NCKAP5: variants seen among roughly 807,000 people sequenced by gnomAD.
The protein encoded by NCKAP5 is NCK associated protein 5.
Under a neutral mutation model 167.0 loss-of-function variants are expected in NCKAP5, and 92 were observed. That is an observed-to-expected ratio of 0.55 (90% CI 0.47 to 0.66). The LOEUF is 0.66. Among genes scored for constraint, NCKAP5 ranks in the 30% least tolerant of loss-of-function variants. The pLI is 0.00. For missense variants in NCKAP5, 2,378 were observed against 2,315.0 expected, an observed-to-expected ratio of 1.03 and a Z score of -0.56; for synonymous variants, 891 against 877.4, an observed-to-expected ratio of 1.02 and a Z score of -0.27.
chr2:132,795,838 ACAAAAAAAAC>A (rs1684553229), intron 12 of NCKAP5, among the ~76,000 whole-genome samples: 1 of 143,376 alleles, frequency 7.0e-6, no homozygotes, highest in Non-Finnish European at 1.5e-5. Flanking sequence ...AAAAAAAAAA[ACAAAAAAAAC>A]AAAAGAGAAT....
At chr2:133,444,975 T>C (rs970941394) in intron 3 of NCKAP5, among the ~76,000 whole-genome samples, 6 of 152,248 alleles carry the variant, frequency 3.9e-5, no homozygotes, top group African/African-American at 1.4e-4. Context: ...TACCATGTGA[T>C]AATAAAAAAT....
At chr2:133,221,633 T>C (rs2086666970) in intron 4 of NCKAP5, among the ~76,000 whole-genome samples, 1 of 152,208 alleles carries the variant, frequency 6.6e-6, no homozygotes, top group Admixed American at 6.5e-5. Flanking sequence ...ACGCAGTAAG[T>C]ACAACACTCT....
chr2:133,474,316 A>G (rs10201373), intron 3 of NCKAP5, among the ~76,000 whole-genome samples: 18,777 of 152,144 alleles, frequency 0.12, 1,864 homozygotes, highest in African/African-American at 0.28. Flanking sequence ...CAAATACCAC[A>G]TGATTTCACT....
intron 3 of NCKAP5, among the ~76,000 whole-genome samples, chr2:133,447,339 C>T (rs755305196): frequency 4.6e-5 from 7 of 152,154 alleles, no homozygotes; most frequent in Non-Finnish European, 8.8e-5. Flanking sequence ...AATAGTCTTA[C>T]GTAAATAATA....
intron 3 of NCKAP5, among the ~76,000 whole-genome samples, chr2:133,354,711 A>G (rs1389404988): frequency 6.6e-6 from 1 of 152,204 alleles, no homozygotes; most frequent in Non-Finnish European, 1.5e-5. Context: ...TATTTTTTCT[A>G]GTTTGTGCAC....
the NCKAP5 span, among the ~76,000 whole-genome samples, chr2:133,624,504 T>A: frequency 6.6e-6 from 1 of 151,858 alleles, no homozygotes; most frequent in East Asian, 1.9e-4. Context: ...TGATGCTCCA[T>A]CCCCCTTCCT....
chr2:133,386,699 C>G (rs1344768336), intron 3 of NCKAP5, among the ~76,000 whole-genome samples: 1 of 152,148 alleles, frequency 6.6e-6, no homozygotes, highest in Admixed American at 6.5e-5. Context: ...CTTTGTAGGT[C>G]TCTAAGGACT....
chr2:132,689,991 T>C (rs891280887), intron 19 of NCKAP5, among the ~76,000 whole-genome samples: 1 of 152,200 alleles, frequency 6.6e-6, no homozygotes, highest in Non-Finnish European at 1.5e-5. Context: ...CACCTTTGAC[T>C]CTTCTCTTTG....
chr2:133,664,790 A>G, the NCKAP5 span, among the ~76,000 whole-genome samples: 2 of 152,052 alleles, frequency 1.3e-5, no homozygotes, highest in Non-Finnish European at 2.9e-5. Context: ...GAGCCACCGC[A>G]CCCAGCCGAA....
chr2:133,377,643 A>G (rs1686237742), intron 3 of NCKAP5, among the ~76,000 whole-genome samples: 1 of 152,216 alleles, frequency 6.6e-6, no homozygotes, highest in Admixed American at 6.5e-5. Flanking sequence ...CTGCCTAGTT[A>G]GGCTTCCAGT....
chr2:133,605,333 G>A, the NCKAP5 span, among the ~76,000 whole-genome samples: 2 of 152,164 alleles, frequency 1.3e-5, no homozygotes, highest in African/African-American at 2.4e-5. Context: ...CTTGGGTGAG[G>A]GGAGGTAGGG....
intron 6 of NCKAP5, among the ~76,000 whole-genome samples, chr2:133,085,559 T>C (rs1246698755): frequency 6.6e-6 from 1 of 152,082 alleles, no homozygotes; most frequent in East Asian, 1.9e-4. Context: ...GAGTTTGAGG[T>C]AGCATAAAAA....
intron 5 of NCKAP5, among the ~76,000 whole-genome samples, chr2:133,166,308 A>T (rs1387619061): frequency 1.3e-5 from 2 of 152,238 alleles, no homozygotes; most frequent in African/African-American, 4.8e-5. Flanking sequence ...TACTTTATAG[A>T]GATGCAATCA....
intron 3 of NCKAP5, among the ~76,000 whole-genome samples, chr2:133,346,650 G>A (rs976468190): frequency 6.6e-6 from 1 of 152,188 alleles, no homozygotes; most frequent in African/African-American, 2.4e-5. Flanking sequence ...AGTGGCCCAC[G>A]CAAGGAGCAC....
intron 3 of NCKAP5, among the ~76,000 whole-genome samples, chr2:133,441,776 A>G (rs1690876539): frequency 6.6e-6 from 1 of 152,100 alleles, no homozygotes; most frequent in South Asian, 2.1e-4. Context: ...TTTCCTTTAA[A>G]TGAGGTCTTC....
the NCKAP5 span, among the ~76,000 whole-genome samples, chr2:133,613,148 T>C: frequency 6.6e-5 from 10 of 152,124 alleles, no homozygotes; most frequent in African/African-American, 2.4e-4. Context: ...AAAAAAGTTA[T>C]TGAATGGTAA....
At chr2:132,731,399 A>G (rs887945314) in intron 17 of NCKAP5, among the ~76,000 whole-genome samples, 2 of 152,228 alleles carry the variant, frequency 1.3e-5, no homozygotes, top group Non-Finnish European at 2.9e-5. Flanking sequence ...AGTTAAATCT[A>G]TATCTTGGGC....
chr2:133,256,054 C>A (rs1490826377), intron 4 of NCKAP5, among the ~76,000 whole-genome samples: 2 of 151,914 alleles, frequency 1.3e-5, no homozygotes, highest in African/African-American at 4.8e-5. Flanking sequence ...GTTAATTAAA[C>A]CCGAAAAAAG....
chr2:132,730,131 C>T (rs1690848532), intron 17 of NCKAP5, among the ~76,000 whole-genome samples: 1 of 152,112 alleles, frequency 6.6e-6, no homozygotes, highest in South Asian at 2.1e-4. Flanking sequence ...CAAAAATTTC[C>T]TGCAGTGTGT....
Sources: allele counts gnomAD v4.1 joint callset (sites outside exome capture counted in the v4.1 genomes callset), GRCh38; gene constraint gnomAD v4.1.1; transcripts MANE v1.5; gene names NCBI Gene and HGNC (gene_info 2026-07-23, HGNC 2026-07-21).